Variants in LIG1 observed in about 807,000 individuals in gnomAD.
The protein encoded by LIG1 is ligase I, DNA, ATP-dependent.
Under a neutral mutation model 115.7 loss-of-function variants are expected in LIG1, and 70 were observed. The ratio of observed to expected loss-of-function variants is 0.60; its 90% CI spans 0.50 to 0.74. The LOEUF is 0.74. LIG1 is among the 30% of genes least tolerant of loss of function. LIG1 has a pLI of 0.00. For missense variants in LIG1, 1,115 were observed against 1,225.6 expected (o/e 0.91, Z 1.35); for synonymous variants, 487 against 495.3 (o/e 0.98, Z 0.22).
intron 4 of LIG1, among the ~76,000 whole-genome samples, chr19:48,159,916 A>C (rs1433723715): frequency 2.0e-5 from 3 of 152,038 alleles, no homozygotes; most frequent in Non-Finnish European, 4.4e-5. Flanking sequence ...ACATGGTTTC[A>C]CCATGTTAGC....
At chr19:48,157,251 C>A in intron 4 of LIG1, 111 bp from the exon 5 acceptor site, 2 of 1,256,818 alleles carry the variant, frequency 1.6e-6, no homozygotes, top group Non-Finnish European at 1.1e-6. Context: ...CCTTTCTGAC[C>A]CTATGGTCTC....
chr19:48,159,731 T>G (rs10420093), intron 4 of LIG1, among the ~76,000 whole-genome samples: 1 of 151,806 alleles, frequency 6.6e-6, no homozygotes, highest in African/African-American at 2.4e-5. Flanking sequence ...ATTTATTTAT[T>G]TTTTGAGACA....
At chr19:48,154,231 T>C (rs937774557) in intron 5 of LIG1, 12 of 456,396 alleles carry the variant, frequency 2.6e-5, no homozygotes, top group Non-Finnish European at 4.5e-5. Context: ...GAGTAAACAA[T>C]GATGTAATGT....
rs71181649 is a variant in LIG1, at chr19:48,132,790, CAAAAAAAAAAAAA to C, written c.1725+179_1725+191del. Reference sequence around the variant, plus strand: ...TGGATGACAGAGTGAGACTCTGTCTCAAAAAAAAAAAAAAAAAAAAAAAAAAAGAACACACTCA... The same window carrying C: ...TGGATGACAGAGTGAGACTCTGTCTCAAAAAAAAAAAAAAGAACACACTCA... On this transcript the variant is annotated intron_variant, in intron 18 of 27. Coordinates refer to ENST00000263274, the MANE Select transcript of LIG1 (RefSeq NM_000234.3). Among the ~76,000 whole-genome samples, 5 of 48,256 alleles carry C rather than the reference CAAAAAAAAAAAAA, an allele frequency of 1.0e-4. 1 individual carries two copies. Among genetic ancestry groups the C allele is most frequent in the Non-Finnish European group, 3.4e-5 (1 of 29,682 alleles). 31.7% of individuals were successfully genotyped at this position (48,256 alleles called of 152,430 possible).
At chr19:48,133,148 G>C (rs1278342859) in intron 17 of LIG1, 51 bp from the exon 18 acceptor site, 1 of 1,177,612 alleles carries the variant, frequency 8.5e-7, no homozygotes, top group East Asian at 2.3e-5. Context: ...ATGGATTAGA[G>C]GGGGAACATG....
At chr19:48,144,832 G>A (rs973164563) in intron 9 of LIG1, among the ~76,000 whole-genome samples, 5 of 152,070 alleles carry the variant, frequency 3.3e-5, no homozygotes, top group African/African-American at 7.2e-5. Context: ...TTCCTTTTCC[G>A]GATAAGGAAA....
At chr19:48,125,341 C>T (rs940711183) in intron 21 of LIG1, among the ~76,000 whole-genome samples, 2 of 152,116 alleles carry the variant, frequency 1.3e-5, no homozygotes, top group Admixed American at 6.6e-5. Flanking sequence ...CCAGACATCA[C>T]GGGAAACAAA....
intron 9 of LIG1, among the ~76,000 whole-genome samples, chr19:48,146,708 A>T (rs1012453649): frequency 3.3e-5 from 5 of 152,242 alleles, no homozygotes; most frequent in Non-Finnish European, 5.9e-5. Context: ...TCGTAGTATC[A>T]CTTGAAATAG....
intron 21 of LIG1, among the ~76,000 whole-genome samples, chr19:48,126,437 C>G (rs2033672849): frequency 6.6e-6 from 1 of 152,062 alleles, no homozygotes; most frequent in African/African-American, 2.4e-5. Flanking sequence ...GAAACCCCGT[C>G]TCTACTAAAA....
At chr19:48,134,093 G>A (rs1187035178) in intron 16 of LIG1, 27 bp from the exon 17 acceptor site, 1 of 1,541,382 alleles carries the variant, frequency 6.5e-7, no homozygotes, top group Admixed American at 2.0e-5. Context: ...GAACAAGATA[G>A]GGGAAGCCTT....
chr19:48,165,849 A>C (rs756881797), intron 1 of LIG1: 2 of 556,964 alleles, frequency 3.6e-6, no homozygotes, highest in Non-Finnish European at 6.4e-6. Flanking sequence ...CTCCTTTACC[A>C]TAAGAAGACT....
chr19:48,142,777 G>C (rs751020564), intron 11 of LIG1, among the ~76,000 whole-genome samples: 1 of 152,078 alleles, frequency 6.6e-6, no homozygotes, highest in Non-Finnish European at 1.5e-5. Context: ...CTGAGTAGCC[G>C]GGATTACAGG....
Position 48,150,270 on chromosome 19 carries a change from T to C in LIG1, c.575-60A>G. On this transcript the variant is annotated intron_variant, in intron 7 of 27. Transcript: ENST00000263274. ...CTTTGACCCTGAGACTTTTTTTTTC[T>C]TTTTTTTTACCCCCAAGATCATTCT... is the stretch of plus-strand genomic sequence containing the variant. The C allele has an allele frequency of 2.5e-6, 4 of 1,573,846 alleles. No individual in the cohort carries two copies. In the South Asian group the frequency reaches 3.3e-5, roughly 13 times the overall value.
At chr19:48,129,341 C>T (rs1292252714) in intron 19 of LIG1, among the ~76,000 whole-genome samples, 1 of 152,192 alleles carries the variant, frequency 6.6e-6, no homozygotes, top group Non-Finnish European at 1.5e-5. Flanking sequence ...GCCACTGTCA[C>T]CGGCCAGGCC....
chr19:48,152,596 T>G (rs534177095), intron 6 of LIG1, among the ~76,000 whole-genome samples: 3 of 152,322 alleles, frequency 2.0e-5, no homozygotes, highest in Non-Finnish European at 4.4e-5. Flanking sequence ...TTCACCAACA[T>G]GCAGGGAACT....
chr19:48,125,101 A>C (rs556174816), intron 21 of LIG1, among the ~76,000 whole-genome samples: 1 of 152,336 alleles, frequency 6.6e-6, no homozygotes, highest in Admixed American at 6.5e-5. Flanking sequence ...ATCCATGTTC[A>C]ACTACTACTA....
chr19:48,134,825 G>C (rs758155861), intron 16 of LIG1, among the ~76,000 whole-genome samples: 3 of 152,260 alleles, frequency 2.0e-5, no homozygotes, highest in Non-Finnish European at 4.4e-5. Context: ...TCAGCACCCA[G>C]TGGGGGGCCC....
chr19:48,142,442 CAA>C (rs561137392), intron 11 of LIG1, among the ~76,000 whole-genome samples: 24 of 75,594 alleles, frequency 3.2e-4, no homozygotes, highest in Admixed American at 5.7e-4. Flanking sequence ...GACTCCATCT[CAA>C]AAAAAAAAAA....
At chr19:48,126,872 C>T (rs1345898661) in intron 21 of LIG1, among the ~76,000 whole-genome samples, 1 of 152,042 alleles carries the variant, frequency 6.6e-6, no homozygotes, top group East Asian at 1.9e-4. Context: ...ACCACAGTGC[C>T]TGGCTCTAAA....
Sources: allele counts gnomAD v4.1 joint callset (sites outside exome capture counted in the v4.1 genomes callset), GRCh38; gene constraint gnomAD v4.1.1; transcripts MANE v1.5; gene names NCBI Gene and HGNC (gene_info 2026-07-23, HGNC 2026-07-21).